TSPAN9: variants seen among roughly 807,000 people sequenced by gnomAD.
The protein encoded by TSPAN9 is tetraspanin-9.
A neutral mutation model predicts 31.0 loss-of-function variants in TSPAN9; 16 were observed. The observed-to-expected ratio is 0.52, with a 90% confidence interval of 0.35 to 0.78. The LOEUF is 0.78. TSPAN9 is among the 30% of genes least tolerant of loss of function. The pLI is 0.01. For synonymous variants in TSPAN9, 145 were observed against 121.6 expected, an observed-to-expected ratio of 1.19 and a Z score of -1.27; for missense variants, 272 against 312.5, an observed-to-expected ratio of 0.87 and a Z score of 0.98.
chr12:3,109,096 C>T (rs564587969), intron 2 of TSPAN9, among the ~76,000 whole-genome samples: 21 of 152,032 alleles, frequency 1.4e-4, no homozygotes, highest in East Asian at 7.8e-4. Flanking sequence ...CCACCACGCC[C>T]GGCTAATTTT....
At chr12:3,256,996 A>G (rs1862359624) in intron 3 of TSPAN9, among the ~76,000 whole-genome samples, 2 of 152,148 alleles carry the variant, frequency 1.3e-5, no homozygotes, top group Admixed American at 1.3e-4. Context: ...GTTGGGTGAC[A>G]GGTACCAGGC....
intron 2 of TSPAN9, among the ~76,000 whole-genome samples, chr12:3,179,126 C>T (rs879189): frequency 0.013 from 1,916 of 152,228 alleles, 42 homozygotes; most frequent in African/African-American, 0.043. Context: ...AAATAGGCTG[C>T]GGGGCCCGGC....
intron 3 of TSPAN9, among the ~76,000 whole-genome samples, chr12:3,230,948 C>T (rs758621984): frequency 2.6e-5 from 4 of 151,976 alleles, no homozygotes; most frequent in African/African-American, 7.3e-5. Context: ...CCTGGAGGTG[C>T]GGAGATAGGG....
rs540397203 is a variant in TSPAN9 at position 3,157,352 on chromosome 12, C to T, written c.-17-43825C>T. ...TCCTGACCGCATGATCCCCCCACCT[C>T]GGCCTCCCAAAGTGCTAGGATTACA... On this transcript the variant is annotated intron_variant, in intron 2 of 8. Transcript: ENST00000011898. Among the ~76,000 whole-genome samples the T allele has an allele frequency of 3.2e-4, 49 of 152,318 alleles. 1 individual carries two copies. Among genetic ancestry groups the T allele is most frequent in the South Asian group, 1.2e-3 (6 of 4,830 alleles).
intron 2 of TSPAN9, among the ~76,000 whole-genome samples, chr12:3,145,626 A>G (rs969459603): frequency 2.0e-5 from 3 of 152,214 alleles, no homozygotes; most frequent in African/African-American, 7.2e-5. Context: ...GCAGAAGAAC[A>G]GGGACCAGGT....
intron 2 of TSPAN9, among the ~76,000 whole-genome samples, chr12:3,134,897 C>T (rs919403343): frequency 6.6e-6 from 1 of 152,020 alleles, no homozygotes; most frequent in African/African-American, 2.4e-5. Context: ...GCACATCATC[C>T]ATGTATAGAA....
intron 3 of TSPAN9, among the ~76,000 whole-genome samples, chr12:3,216,169 G>C (rs1259320837): frequency 6.6e-6 from 1 of 152,192 alleles, no homozygotes; most frequent in African/African-American, 2.4e-5. Flanking sequence ...GGGGCCCTCT[G>C]GGAGCTGGGG....
chr12:3,118,256 G>GTTTTTT (rs72307230), intron 2 of TSPAN9, among the ~76,000 whole-genome samples: 1,217 of 31,470 alleles, frequency 0.039, 357 homozygotes, highest in Non-Finnish European at 0.056. Context: ...TGCACCCGCC[G>GTTTTTT]TTTTTTTTTT....
intron 2 of TSPAN9, among the ~76,000 whole-genome samples, chr12:3,115,176 T>C (rs1464370492): frequency 2.6e-5 from 4 of 151,904 alleles, no homozygotes; most frequent in Non-Finnish European, 5.9e-5. Context: ...AATTATACAA[T>C]ATGTGGTCTT....
At chr12:3,230,474 G>T (rs2098390109) in intron 3 of TSPAN9, among the ~76,000 whole-genome samples, 1 of 152,172 alleles carries the variant, frequency 6.6e-6, no homozygotes, top group South Asian at 2.1e-4. Flanking sequence ...GTTTTCTATT[G>T]TAGGGTGGCG....
At chr12:3,227,150 C>A (rs2098388277) in intron 3 of TSPAN9, among the ~76,000 whole-genome samples, 1 of 152,002 alleles carries the variant, frequency 6.6e-6, no homozygotes, top group Non-Finnish European at 1.5e-5. Flanking sequence ...TGGCAGTAAA[C>A]ACCACAGTGG....
intron 2 of TSPAN9, among the ~76,000 whole-genome samples, chr12:3,145,676 C>G (rs1565591972): frequency 6.6e-6 from 1 of 152,252 alleles, no homozygotes; most frequent in African/African-American, 2.4e-5. Context: ...CAGGATCATC[C>G]TGTCCTGCTC....
intron 2 of TSPAN9, among the ~76,000 whole-genome samples, chr12:3,190,184 A>G (rs965361429): frequency 6.6e-6 from 1 of 152,222 alleles, no homozygotes; most frequent in African/African-American, 2.4e-5. Flanking sequence ...AATCAGCAGA[A>G]GGGTCCCAGC....
chr12:3,224,046 G>A (rs2098385905), intron 3 of TSPAN9, among the ~76,000 whole-genome samples: 2 of 152,030 alleles, frequency 1.3e-5, no homozygotes, highest in Admixed American at 1.3e-4. Context: ...TCTTCAGATG[G>A]ATTTGTGCTT....
intron 2 of TSPAN9, among the ~76,000 whole-genome samples, chr12:3,099,790 C>G (rs1299484724): frequency 6.6e-6 from 1 of 151,814 alleles, no homozygotes; most frequent in Admixed American, 6.6e-5. Flanking sequence ...TAAGGCAACA[C>G]CCTTCAGAGG....
intron 2 of TSPAN9, among the ~76,000 whole-genome samples, chr12:3,104,828 C>T (rs1420353419): frequency 6.6e-6 from 1 of 152,242 alleles, no homozygotes; most frequent in African/African-American, 2.4e-5. Context: ...AGCCAGCTGT[C>T]AGCTTAGGTC....
intron 2 of TSPAN9, among the ~76,000 whole-genome samples, chr12:3,101,317 G>A (rs1455554243): frequency 6.6e-6 from 1 of 152,198 alleles, no homozygotes; most frequent in Admixed American, 6.5e-5. Context: ...CCATCCAGCA[G>A]AGAAATGGGT....
intron 2 of TSPAN9, among the ~76,000 whole-genome samples, chr12:3,157,278 T>C (rs891854890): frequency 1.3e-5 from 2 of 152,290 alleles, no homozygotes; most frequent in East Asian, 3.9e-4. Flanking sequence ...TTGTTTTGTA[T>C]TTTTAGTAGA....
intron 2 of TSPAN9, among the ~76,000 whole-genome samples, chr12:3,184,239 A>G (rs1018549470): frequency 1.3e-5 from 2 of 152,060 alleles, no homozygotes; most frequent in Non-Finnish European, 1.5e-5. Context: ...CTCTAGAAAA[A>G]ATACAAAAAT....
Sources: allele counts gnomAD v4.1 joint callset (sites outside exome capture counted in the v4.1 genomes callset), GRCh38; gene constraint gnomAD v4.1.1; transcripts MANE v1.5; gene names NCBI Gene and HGNC (gene_info 2026-07-23, HGNC 2026-07-21).